The following MYOZ2 variants were observed in gnomAD, a reference collection of about 807,000 sequenced individuals.
The protein encoded by MYOZ2 is myozenin 2.
A neutral mutation model predicts 25.4 loss-of-function variants in MYOZ2; 19 were observed. The observed-to-expected ratio is 0.75, with a 90% CI of 0.52 to 1.10. The LOEUF is 1.10. MYOZ2 is among the 50% of genes least tolerant of loss of function. The pLI is 0.00. For synonymous variants in MYOZ2, 92 were observed against 106.9 expected, an observed-to-expected ratio of 0.86 and a Z score of 0.86; for missense variants, 270 against 317.9, an observed-to-expected ratio of 0.85 and a Z score of 1.15.
chr4:119,182,253 A>T (rs918561348), intron 5 of MYOZ2, among the ~76,000 whole-genome samples: 1 of 152,226 alleles, frequency 6.6e-6, no homozygotes, highest in Non-Finnish European at 1.5e-5. Context: ...GCTTCTAGCA[A>T]ATTGGCTGGA....
intron 5 of MYOZ2, among the ~76,000 whole-genome samples, chr4:119,166,467 C>CCACTGTA (rs1741826965): frequency 6.6e-6 from 1 of 151,474 alleles, no homozygotes; most frequent in Non-Finnish European, 1.5e-5. Context: ...TATAATCACA[C>CCACTGTA]CACTGTACTC....
At chr4:119,144,789 T>C (rs1741248741) in intron 2 of MYOZ2, among the ~76,000 whole-genome samples, 1 of 152,216 alleles carries the variant, frequency 6.6e-6, no homozygotes, top group Non-Finnish European at 1.5e-5. Context: ...ACATTCTAAT[T>C]GGATTGTTTG....
chr4:119,162,033 T>C (rs1353890325), intron 4 of MYOZ2, among the ~76,000 whole-genome samples: 2 of 152,150 alleles, frequency 1.3e-5, no homozygotes, highest in Non-Finnish European at 2.9e-5. Context: ...GTTATGGTTA[T>C]AGAATTACGT....
intron 4 of MYOZ2, among the ~76,000 whole-genome samples, chr4:119,162,709 A>G (rs1250161214): frequency 6.6e-6 from 1 of 152,220 alleles, no homozygotes; most frequent in Non-Finnish European, 1.5e-5. Context: ...AATTCAGACA[A>G]ACAATAATAT....
intron 3 of MYOZ2, 72 bp from the exon 4 acceptor site, chr4:119,157,950 T>G: frequency 6.4e-7 from 1 of 1,554,928 alleles, no homozygotes; most frequent in Non-Finnish European, 8.9e-7. Flanking sequence ...ATTGAAGTTT[T>G]GCATATATAG....
In MYOZ2 at chr4:119,181,982, A is replaced by G. The variant is rs1742191438; in HGVS notation, c.561-3984A>G. ...TATTGTTTTAGAAGTTTGATAGTAA[A>G]TTTTCAAATCAACATTATAAAATTT... On this transcript the variant is annotated intron_variant, in intron 5 of 5. Coordinates refer to ENST00000307128, the MANE Select transcript of MYOZ2 (RefSeq NM_016599.5). Among the ~76,000 whole-genome samples the G allele has an allele frequency of 2.0e-5, 3 of 152,168 alleles. No homozygotes were observed. In the South Asian group the frequency reaches 6.2e-4, roughly 32 times the overall value.
intron 2 of MYOZ2, among the ~76,000 whole-genome samples, chr4:119,149,389 G>A (rs1741394602): frequency 6.6e-6 from 1 of 152,244 alleles, no homozygotes; most frequent in Admixed American, 6.5e-5. Context: ...GTGGGTGAGA[G>A]CGAAGTCAAA....
intron 5 of MYOZ2, among the ~76,000 whole-genome samples, chr4:119,184,264 C>T (rs1198279939): frequency 1.3e-5 from 2 of 152,204 alleles, no homozygotes; most frequent in Non-Finnish European, 2.9e-5. Context: ...AAAAGTCCCA[C>T]ACAAGTTTAC....
chr4:119,170,534 A>T (rs1741927048), intron 5 of MYOZ2, among the ~76,000 whole-genome samples: 1 of 152,050 alleles, frequency 6.6e-6, no homozygotes, highest in Non-Finnish European at 1.5e-5. Flanking sequence ...TGTTATATTA[A>T]ATAATATAAA....
At chr4:119,173,899 G>C (rs1282738690) in intron 5 of MYOZ2, among the ~76,000 whole-genome samples, 2 of 152,236 alleles carry the variant, frequency 1.3e-5, no homozygotes, top group Admixed American at 1.3e-4. Context: ...CAGCCCTGCC[G>C]GCCCGGGGCA....
intron 2 of MYOZ2, among the ~76,000 whole-genome samples, chr4:119,149,486 T>C (rs1741399522): frequency 6.6e-6 from 1 of 152,228 alleles, no homozygotes; most frequent in Non-Finnish European, 1.5e-5. Context: ...CCTGGTCCTT[T>C]AGCTGGAGAG....
At chr4:119,150,833 T>C (rs1741430308) in intron 2 of MYOZ2, 39 bp from the exon 3 acceptor site, 8 of 1,588,160 alleles carry the variant, frequency 5.0e-6, no homozygotes, top group Non-Finnish European at 6.0e-6. Context: ...TAAAAATGCT[T>C]ACCTTGGGAT....
chr4:119,178,310 G>T (rs1275926266), intron 5 of MYOZ2, among the ~76,000 whole-genome samples: 1 of 152,032 alleles, frequency 6.6e-6, no homozygotes, highest in Non-Finnish European at 1.5e-5. Flanking sequence ...CAGTTCCAAG[G>T]TTCTAATATC....
At chr4:119,140,784 T>C (rs181855660) in intron 2 of MYOZ2, among the ~76,000 whole-genome samples, 67 of 152,312 alleles carry the variant, frequency 4.4e-4, no homozygotes, top group South Asian at 2.7e-3. Context: ...AATACATTGG[T>C]AATGTCATTT....
At chr4:119,141,540 G>A (rs545277423) in intron 2 of MYOZ2, among the ~76,000 whole-genome samples, 4 of 152,150 alleles carry the variant, frequency 2.6e-5, no homozygotes, top group Admixed American at 6.5e-5. Flanking sequence ...CTGCCACTAC[G>A]CTTGGCTAAT....
At chr4:119,157,118 A>C (rs1188615335) in intron 3 of MYOZ2, among the ~76,000 whole-genome samples, 2 of 152,168 alleles carry the variant, frequency 1.3e-5, no homozygotes, top group Non-Finnish European at 2.9e-5. Context: ...GATTTTCTGT[A>C]TGTCACACAC....
chr4:119,158,453 G>A (rs562679920), intron 4 of MYOZ2, among the ~76,000 whole-genome samples: 1 of 152,150 alleles, frequency 6.6e-6, no homozygotes, highest in Admixed American at 6.6e-5. Context: ...CTACTTGGGG[G>A]GCTGGGGTAG....
chr4:119,140,711 A>G (rs1436337152), intron 2 of MYOZ2, among the ~76,000 whole-genome samples: 1 of 152,156 alleles, frequency 6.6e-6, no homozygotes, highest in African/African-American at 2.4e-5. Context: ...AGGCTTTTTC[A>G]CTCAAATATG....
chr4:119,138,480 G>A (rs1741086935), intron 2 of MYOZ2, among the ~76,000 whole-genome samples: 1 of 152,068 alleles, frequency 6.6e-6, no homozygotes, highest in Non-Finnish European at 1.5e-5. Flanking sequence ...TTTTTCTCAG[G>A]ATGCATAATA....
Sources: gnomAD v4.1 joint callset for allele counts (sites outside exome capture counted in the v4.1 genomes callset) on GRCh38, gnomAD v4.1.1 for gene constraint, MANE v1.5 for transcripts, NCBI Gene and HGNC (gene_info 2026-07-23, HGNC 2026-07-21) for gene names.